Variants in RPS6KA3 observed in about 807,000 individuals in gnomAD.
RPS6KA3 encodes the protein ribosomal protein S6 kinase A3.
A neutral mutation model predicts 67.2 loss-of-function variants in RPS6KA3; 4 were observed. The ratio of observed to expected loss-of-function variants is 0.06; its 90% CI spans 0.03 to 0.14. The LOEUF is 0.14. RPS6KA3 is among the 10% of genes least tolerant of loss of function. RPS6KA3 has a pLI of 1.00. For synonymous variants in RPS6KA3, 182 were observed against 183.7 expected (o/e 0.99, Z 0.07); for missense variants, 204 against 559.0 (o/e 0.36, Z 6.40).
intron 13 of RPS6KA3, 58 bp downstream of exon 13, chrX:20,176,192 A>G: frequency 1.2e-6 from 1 of 806,925 alleles, no homozygotes; most frequent in Non-Finnish European, 1.9e-6. Flanking sequence ...TTTTCTGATG[A>G]AACAAGAAAA....
intron 8 of RPS6KA3, among the ~76,000 whole-genome samples, 164 bp from the exon 9 acceptor site, chrX:20,188,134 C>T (rs1473356157): frequency 8.9e-6 from 1 of 111,814 alleles, no homozygotes; most frequent in African/African-American, 3.3e-5. Flanking sequence ...AGTACAGTGA[C>T]GCCATCTTGG....
chrX:20,225,262 T>G (rs2069090172), intron 2 of RPS6KA3, among the ~76,000 whole-genome samples: 1 of 103,111 alleles, frequency 9.7e-6, no homozygotes, highest in South Asian at 4.5e-4. Flanking sequence ...TTTGTTTTTT[T>G]TTTTTTTAAG....
intron 4 of RPS6KA3, among the ~76,000 whole-genome samples, chrX:20,199,572 A>G (rs2068369215): frequency 8.9e-6 from 1 of 112,324 alleles, no homozygotes; most frequent in African/African-American, 3.2e-5. Context: ...TTTAACTAAC[A>G]TATTCCAAAG....
At chrX:20,168,438 C>G (rs1234844124) in intron 16 of RPS6KA3, among the ~76,000 whole-genome samples, 1 of 111,740 alleles carries the variant, frequency 8.9e-6, no homozygotes, top group Non-Finnish European at 1.9e-5. Flanking sequence ...CATACTAGAA[C>G]ACAGAGCATC....
chrX:20,174,297 A>C (rs371356524), intron 14 of RPS6KA3, among the ~76,000 whole-genome samples: 2 of 110,317 alleles, frequency 1.8e-5, no homozygotes, highest in African/African-American at 6.6e-5. Flanking sequence ...ACAGGAGAGG[A>C]TATAGACAAC....
intron 1 of RPS6KA3, among the ~76,000 whole-genome samples, chrX:20,244,486 T>C (rs1464782759): frequency 8.9e-6 from 1 of 112,604 alleles, no homozygotes; most frequent in Non-Finnish European, 1.9e-5. Flanking sequence ...CAAACTACAG[T>C]GCTACCTGTG....
Position 20,250,591 on chromosome X carries a change from T to C in RPS6KA3, c.70-15777A>G, listed in dbSNP as rs111263746. On this transcript the variant is annotated intron_variant, in intron 1 of 21. Transcript: ENST00000379565. Reference sequence around the variant, plus strand: ...CTTAGCTAAATTTTTCTCTTTCCCATAAGCCATTTTATGATCAAGAAAAAA... The same window carrying C: ...CTTAGCTAAATTTTTCTCTTTCCCACAAGCCATTTTATGATCAAGAAAAAA... 7.9e-3 allele frequency among the ~76,000 whole-genome samples: 890 copies of C among 112,228 alleles called. 11 individuals are homozygous for C. Among genetic ancestry groups the C allele is most frequent in the African/African-American group, 0.027 (848 of 30,849 alleles).
intron 10 of RPS6KA3, among the ~76,000 whole-genome samples, chrX:20,184,107 G>A (rs1039136285): frequency 2.7e-5 from 3 of 110,877 alleles, no homozygotes; most frequent in Non-Finnish European, 5.7e-5. Flanking sequence ...GGAGTGCAGC[G>A]GCATGATCTT....
At chrX:20,261,525 T>C (rs1159268305) in intron 1 of RPS6KA3, among the ~76,000 whole-genome samples, 5 of 112,345 alleles carry the variant, frequency 4.5e-5, no homozygotes, top group Non-Finnish European at 9.4e-5. Flanking sequence ...TTCTGTACAT[T>C]AGGGATTAAT....
intron 4 of RPS6KA3, among the ~76,000 whole-genome samples, chrX:20,202,171 C>T (rs1020823639): frequency 2.8e-5 from 3 of 108,151 alleles, no homozygotes; most frequent in African/African-American, 1.0e-4. Context: ...TTAGTAGAGA[C>T]GGGGTTTTGC....
intron 20 of RPS6KA3, among the ~76,000 whole-genome samples, chrX:20,157,174 A>G (rs999029497): frequency 2.9e-4 from 32 of 112,010 alleles, no homozygotes; most frequent in African/African-American, 1.0e-3. Context: ...ACTCTTCAAA[A>G]TAACACCACT....
chrX:20,195,282 T>A lies in RPS6KA3; in HGVS notation c.326-137A>T, dbSNP rs1603426425. On this transcript the variant is annotated intron_variant, in intron 4 of 21. Transcript: ENST00000379565. ...GTGAATGTTTTATCATTCTTGAATT[T>A]ACAAAATCAATAATGATGTCTTTTA... The A allele has an allele frequency of 1.2e-5, 5 of 433,610 alleles. No individual in the cohort carries two copies. In the East Asian group the frequency reaches 2.0e-4, roughly 17 times the overall value. The allele number at this position is 433,610 out of a possible 1,213,427, so 35.7% of individuals were successfully genotyped here.
At chrX:20,166,475 G>C (rs2067438210) in intron 17 of RPS6KA3, among the ~76,000 whole-genome samples, 2 of 110,461 alleles carry the variant, frequency 1.8e-5, no homozygotes, top group Admixed American at 9.7e-5. Flanking sequence ...GGCTTTCAGG[G>C]GCAAAGACAA....
chrX:20,205,029 G>A (rs1488358310), intron 3 of RPS6KA3, among the ~76,000 whole-genome samples: 1 of 112,193 alleles, frequency 8.9e-6, no homozygotes, highest in Non-Finnish European at 1.9e-5. Flanking sequence ...CCTTTTTATG[G>A]TCAAATTATC....
At chrX:20,216,636 A>G (rs1320502245) in intron 2 of RPS6KA3, among the ~76,000 whole-genome samples, 1 of 110,615 alleles carries the variant, frequency 9.0e-6, no homozygotes, top group Non-Finnish European at 1.9e-5. Flanking sequence ...TATTAAGAAG[A>G]TGCTATTTGA....
At chrX:20,184,397 C>CTTTTTTT in intron 10 of RPS6KA3, among the ~76,000 whole-genome samples, 1 of 86,463 alleles carries the variant, frequency 1.2e-5, no homozygotes, top group Non-Finnish European at 2.3e-5. Flanking sequence ...CATTACTTTT[C>CTTTTTTT]TTTTTTTTTT....
intron 3 of RPS6KA3, among the ~76,000 whole-genome samples, chrX:20,207,944 G>A (rs2068611514): frequency 8.9e-6 from 1 of 112,062 alleles, no homozygotes; most frequent in Admixed American, 9.5e-5. Context: ...CAGAGAAGTG[G>A]TAAGGAATCA....
chrX:20,162,838 C>T, intron 19 of RPS6KA3, 126 bp downstream of exon 19: 1 of 548,896 alleles, frequency 1.8e-6, no homozygotes, highest in Non-Finnish European at 3.3e-6. Context: ...CAGAGTGAGA[C>T]CCTGTCTCTA....
chrX:20,215,970 A>G (rs1317092559), intron 2 of RPS6KA3, among the ~76,000 whole-genome samples: 1 of 102,208 alleles, frequency 9.8e-6, no homozygotes, highest in African/African-American at 3.9e-5. Context: ...TAAAGCAGCT[A>G]TATTAATAGT....
Sources: allele counts gnomAD v4.1 joint callset (sites outside exome capture counted in the v4.1 genomes callset), GRCh38; gene constraint gnomAD v4.1.1; transcripts MANE v1.5; gene names NCBI Gene and HGNC (gene_info 2026-07-23, HGNC 2026-07-21).